AK9: variants seen among roughly 807,000 people sequenced by gnomAD.
AK9 encodes adenylate kinase domain containing 1.
Under a neutral mutation model 239.6 loss-of-function variants are expected in AK9, and 191 were observed. That is an observed-to-expected ratio of 0.80 (90% CI 0.71 to 0.90). The LOEUF is 0.90. Ranked by LOEUF, AK9 falls within the 40% of genes least tolerant of loss-of-function variation. The pLI, the probability that AK9 is intolerant of heterozygous loss-of-function variation, is 0.00. For missense variants in AK9, 1,995 were observed against 2,214.7 expected, an observed-to-expected ratio of 0.90 and a Z score of 1.99; for synonymous variants, 689 against 721.0, an observed-to-expected ratio of 0.96 and a Z score of 0.71.
At chr6:109,680,083 A>G (rs990543173) in intron 1 of AK9, among the ~76,000 whole-genome samples, 18 of 152,328 alleles carry the variant, frequency 1.2e-4, no homozygotes, top group African/African-American at 4.3e-4. Flanking sequence ...GCATGGGAAC[A>G]AAACTGGACA....
chr6:109,686,170 G>A (rs1583587245), intron 1 of AK9, among the ~76,000 whole-genome samples: 1 of 152,172 alleles, frequency 6.6e-6, no homozygotes, highest in Non-Finnish European at 1.5e-5. Context: ...TAGTATAAAG[G>A]GGTCTTGATC....
At chr6:109,513,907 G>A (rs1230395175) in intron 32 of AK9, among the ~76,000 whole-genome samples, 2 of 152,170 alleles carry the variant, frequency 1.3e-5, no homozygotes, top group Non-Finnish European at 2.9e-5. Flanking sequence ...CCAACAGGAG[G>A]TTTAAAACCC....
At chr6:109,581,710 G>T (rs554604400) in intron 19 of AK9, among the ~76,000 whole-genome samples, 2 of 152,330 alleles carry the variant, frequency 1.3e-5, no homozygotes, top group East Asian at 3.9e-4. Context: ...TGATGTAGGA[G>T]CTGCAATAAG....
rs1291823560 is a variant in AK9, at chr6:109,675,896, G to GCAAATAAGT, written c.-11-149_-11-141dup. On this transcript the variant is annotated intron_variant, in intron 1 of 40. Transcript: ENST00000424296. ...AAACACATGAATTTTGTCAGTAATT[G>GCAAATAAGT]CAAATAAGTTTAACTCATTTATAAA... The GCAAATAAGT allele has an allele frequency of 9.8e-6, 5 of 509,806 alleles. No homozygotes were observed. In the African/African-American group the frequency reaches 1.0e-4, roughly 10 times the overall value. 31.6% of individuals were successfully genotyped at this position (509,806 alleles called of 1,614,324 possible).
chr6:109,667,146 T>C (rs997883035), intron 5 of AK9, among the ~76,000 whole-genome samples: 22 of 99,906 alleles, frequency 2.2e-4, no homozygotes, highest in African/African-American at 5.3e-4. Context: ...AAAATAGTGA[T>C]GGAAACACCA....
At chr6:109,593,435 A>T (rs758437459) in intron 17 of AK9, among the ~76,000 whole-genome samples, 1 of 152,186 alleles carries the variant, frequency 6.6e-6, no homozygotes, top group Non-Finnish European at 1.5e-5. Context: ...TACCAGGGGT[A>T]CAAAGAGGAG....
At chr6:109,668,517 T>A (rs1281330201) in intron 5 of AK9, among the ~76,000 whole-genome samples, 1 of 151,110 alleles carries the variant, frequency 6.6e-6, no homozygotes, top group Non-Finnish European at 1.5e-5. Flanking sequence ...CTTCTAGGGT[T>A]TTTATGGTTG....
chr6:109,616,390 C>T lies in AK9; in HGVS notation c.1400-1910G>A, dbSNP rs187606819. Among the ~76,000 whole-genome samples the T allele has an allele frequency of 5.7e-4, 86 of 151,776 alleles. 1 individual carries two copies. The East Asian group carries it at 0.016, about 28-fold the overall frequency. On this transcript the variant is annotated intron_variant, in intron 13 of 40. Coordinates refer to ENST00000424296, the MANE Select transcript of AK9 (RefSeq NM_001145128.3). ...TGCTGGCAATACATTTGATAATTTT[C>T]ATTTTTTTTTCTTTCTTTTTTTTTT...
chr6:109,554,937 T>C lies in AK9; in HGVS notation c.2752-4635A>G, dbSNP rs185466343. Among the ~76,000 whole-genome samples, 7 of 152,310 alleles carry C rather than the reference T, an allele frequency of 4.6e-5. No homozygotes were observed. The East Asian group carries it at 1.2e-3, about 25-fold the overall frequency. On this transcript the variant is annotated intron_variant, in intron 24 of 40. Transcript: ENST00000424296. ...AGTAGTCTAGCTAATGGTCTATCTGTTTTGTTAATTTTTTAAAAAACTAAC... is the reference window on the plus strand; with the variant it reads ...AGTAGTCTAGCTAATGGTCTATCTGCTTTGTTAATTTTTTAAAAAACTAAC...
intron 33 of AK9, among the ~76,000 whole-genome samples, chr6:109,508,566 T>C (rs898557838): frequency 3.3e-5 from 5 of 151,810 alleles, no homozygotes; most frequent in East Asian, 2.0e-4. Flanking sequence ...AGGCTTCTAA[T>C]AGAAAACCTT....
rs559897810 is a variant in AK9 at position 109,564,231 on chromosome 6, C to A, written c.2484G>T (p.Met828Ile). 1.1e-5 allele frequency: 17 copies of A among 1,551,336 alleles called. No homozygotes were observed. In the South Asian group the frequency reaches 2.0e-4, roughly 18 times the overall value. ...AACCAATCTTCTCTTTAAATGGCTC[C>A]ATTTCGGGAACATCAGGATAAGAGT... ...PEDSYPDVPE[M>I]EPFKEKIGSF... Residue 828 changes from methionine to isoleucine, a missense_variant, in exon 23 of 41, where the codon ATG becomes ATT. Physicochemically the swap from Met to Ile is conservative, Grantham distance 10. Transcript: ENST00000424296.
rs1471644570 is a variant in AK9 at position 109,583,083 on chromosome 6, T to C, written c.2114+2040A>G. On this transcript the variant is annotated intron_variant, in intron 19 of 40. Coordinates refer to ENST00000424296, the MANE Select transcript of AK9 (RefSeq NM_001145128.3). ...CAATATTGTGTAAACATAACTTTTA[T>C]ATGCACTGGGAAGCAAAAAAACTCA... Among the ~76,000 whole-genome samples the C allele has an allele frequency of 2.0e-5, 3 of 152,194 alleles. 1 individual carries two copies. The highest frequency in any genetic ancestry group is 6.3e-3 in the Middle Eastern group (2 of 316).
chr6:109,690,135 A>G (rs960983985), intron 1 of AK9, among the ~76,000 whole-genome samples: 147 of 152,168 alleles, frequency 9.7e-4, no homozygotes, highest in African/African-American at 3.4e-3. Flanking sequence ...ATTTTTTTTT[A>G]AAGTTTCCTT....
intron 20 of AK9, among the ~76,000 whole-genome samples, chr6:109,578,947 T>C (rs74984654): frequency 2.0e-5 from 3 of 152,212 alleles, no homozygotes; most frequent in Admixed American, 1.3e-4. Context: ...TGTGGCCTAT[T>C]ATGTGATCTA....
At chr6:109,495,205 C>A in intron 39 of AK9, 133 bp downstream of exon 39, 1 of 692,874 alleles carries the variant, frequency 1.4e-6, no homozygotes, top group Non-Finnish European at 2.3e-6. Context: ...ACAAAATAGG[C>A]TGAGAGAATT....
chr6:109,500,802 G>A (rs1230208467), intron 35 of AK9, among the ~76,000 whole-genome samples: 2 of 152,124 alleles, frequency 1.3e-5, no homozygotes, highest in Non-Finnish European at 2.9e-5. Flanking sequence ...TAGATCGCTT[G>A]AGTCCAGGAG....
chr6:109,569,825 G>C (rs1243468843), intron 21 of AK9, among the ~76,000 whole-genome samples: 1 of 152,226 alleles, frequency 6.6e-6, no homozygotes, highest in Non-Finnish European at 1.5e-5. Flanking sequence ...CTTTTACACT[G>C]TTGGTGGGAC....
chr6:109,656,891 GGAAAA>G lies in AK9; in HGVS notation c.631-12_631-8del, dbSNP rs1461439279. The stretch of plus-strand genomic sequence containing the variant: ...GCATTTCGGCAATAAATGCCTAAAT[GGAAAA>G]GAAGAGATTTCAAATATCTTTAGGT... On this transcript the variant is annotated splice_region_variant and splice_polypyrimidine_tract_variant and intron_variant, in intron 7 of 40. Transcript: ENST00000424296. The G allele has an allele frequency of 6.2e-7, 1 of 1,611,842 alleles. No homozygotes were observed. Among genetic ancestry groups the G allele is most frequent in the Non-Finnish European group, 8.5e-7 (1 of 1,178,812 alleles).
At chr6:109,638,534 C>T (rs188003510) in intron 10 of AK9, among the ~76,000 whole-genome samples, 1 of 152,264 alleles carries the variant, frequency 6.6e-6, no homozygotes, top group East Asian at 1.9e-4. Context: ...GGCTGGAGTG[C>T]AAGTGGCACA....
Sources: allele counts gnomAD v4.1 joint callset (sites outside exome capture counted in the v4.1 genomes callset), GRCh38; gene constraint gnomAD v4.1.1; transcripts MANE v1.5; gene names NCBI Gene and HGNC (gene_info 2026-07-23, HGNC 2026-07-21).